The following SEC31B variants were observed in gnomAD, a reference collection of about 807,000 sequenced individuals.
SEC31B encodes the protein SEC31 homolog B, COPII component, also known as protein transport protein Sec31B.
In SEC31B, 113 loss-of-function variants were observed where a neutral mutation model predicts 135.0. That is an observed-to-expected ratio of 0.84 (90% CI 0.72 to 0.98). The LOEUF (loss-of-function observed/expected upper bound fraction) is 0.98. SEC31B is among the 50% of genes least tolerant of loss of function. The probability of loss-of-function intolerance (pLI) is 0.00; values close to 1 mark genes in which losing one functional copy is unlikely to be tolerated. For missense variants in SEC31B, 1,296 were observed against 1,421.1 expected (o/e 0.91, Z 1.42); for synonymous variants, 508 against 549.4 (o/e 0.92, Z 1.05).
chr10:100,500,014 C>T, intron 11 of SEC31B: 1 of 453,710 alleles, frequency 2.2e-6, no homozygotes, highest in South Asian at 1.6e-5. Context: ...TGGACAGATT[C>T]CTTGCAGGGA....
At chr10:100,515,921 G>T (rs910081586) in intron 3 of SEC31B, among the ~76,000 whole-genome samples, 175 bp downstream of exon 3, 21 of 151,920 alleles carry the variant, frequency 1.4e-4, no homozygotes, top group Non-Finnish European at 1.9e-4. Flanking sequence ...GAAAGGGGGG[G>T]GGTGGTTGTT....
At chr10:100,504,402 GT>G (rs1851585403) in intron 10 of SEC31B, among the ~76,000 whole-genome samples, 1 of 152,180 alleles carries the variant, frequency 6.6e-6, no homozygotes, top group African/African-American at 2.4e-5. Context: ...GTCATTCAAA[GT>G]GCTAGTCCTC....
At chr10:100,504,870 G>C (rs1851595172) in intron 10 of SEC31B, among the ~76,000 whole-genome samples, 1 of 152,054 alleles carries the variant, frequency 6.6e-6, no homozygotes, top group Non-Finnish European at 1.5e-5. Flanking sequence ...AAAACAGAAA[G>C]AAGTCATATG....
In SEC31B at chr10:100,506,432, A is replaced by T; in HGVS notation, c.783-12T>A. 6.2e-7 allele frequency: 1 copy of T among 1,613,620 alleles called. No homozygotes were observed. Among genetic ancestry groups the T allele is most frequent in the Non-Finnish European group, 8.5e-7 (1 of 1,179,530 alleles). On this transcript the variant is annotated splice_polypyrimidine_tract_variant and intron_variant, in intron 7 of 25. Coordinates refer to ENST00000370345, the MANE Select transcript of SEC31B (RefSeq NM_015490.4). ...CTGACAAGATCCCCCTAAAAAGAGA[A>T]GGGAAGAGGAACTAGCATTTGTTGA...
At chr10:100,509,972 A>G (rs983707590) in intron 3 of SEC31B, among the ~76,000 whole-genome samples, 1 of 152,150 alleles carries the variant, frequency 6.6e-6, no homozygotes, top group African/African-American at 2.4e-5. Flanking sequence ...TAACAACCTC[A>G]TGAAGTATTA....
chr10:100,507,645 A>G, intron 6 of SEC31B, 78 bp from the exon 7 acceptor site: 3 of 1,578,472 alleles, frequency 1.9e-6, no homozygotes, highest in Non-Finnish European at 2.6e-6. Context: ...TCTGAGAGCA[A>G]GTTTTCTGTC....
chr10:100,497,317 G>A (rs1374173551), intron 16 of SEC31B, 37 bp from the exon 17 acceptor site: 1 of 1,604,266 alleles, frequency 6.2e-7, no homozygotes, highest in South Asian at 1.1e-5. Context: ...TGGCACAGCT[G>A]CCCTGTGTGC....
intron 5 of SEC31B, chr10:100,508,766 C>T (rs1851681414): frequency 5.4e-6 from 3 of 556,876 alleles, no homozygotes; most frequent in African/African-American, 3.8e-5. Context: ...CAACTTTCAT[C>T]TGCCTCCCAG....
At position 100,497,828 on chromosome 10, in the gene SEC31B, CA is replaced by C. The variant is rs1379713567; in HGVS notation, c.1864-36del. The C allele has an allele frequency of 2.5e-6, 4 of 1,614,068 alleles. No homozygotes were observed. In the Admixed American group the frequency reaches 6.7e-5, roughly 27 times the overall value. On this transcript the variant is annotated intron_variant, in intron 15 of 25. Coordinates refer to ENST00000370345, the MANE Select transcript of SEC31B (RefSeq NM_015490.4). ...GCAGAGAGGGAAAGAGACCATCAGC[CA>C]TCCATCCAGCATAGGCAGCAGGATT...
intron 1 of SEC31B, among the ~76,000 whole-genome samples, chr10:100,519,249 A>G (rs1232421555): frequency 6.6e-6 from 1 of 152,224 alleles, no homozygotes; most frequent in African/African-American, 2.4e-5. Context: ...AGAGGCATCT[A>G]TTCACAAAAA....
chr10:100,519,158 AGT>A (rs1444001825), intron 1 of SEC31B, among the ~76,000 whole-genome samples: 2 of 152,252 alleles, frequency 1.3e-5, no homozygotes, highest in Non-Finnish European at 2.9e-5. Flanking sequence ...CCACTGTACT[AGT>A]CGCAAGTAAA....
chr10:100,499,858 T>C (rs1326645480), intron 11 of SEC31B, among the ~76,000 whole-genome samples: 1 of 152,202 alleles, frequency 6.6e-6, no homozygotes, highest in Non-Finnish European at 1.5e-5. Context: ...GTTACCCTGG[T>C]AGTCTGGTGA....
rs41290542 is a variant in SEC31B, at chr10:100,499,234, C to T, written c.1510G>A (p.Val504Met). 0.033 allele frequency: 53,183 copies of T among 1,612,968 alleles called. 1,027 individuals carry two copies. Among genetic ancestry groups the T allele is most frequent in the South Asian group, 0.043 (3,940 of 90,776 alleles). The change falls in exon 13 of 26, where the codon GTG (valine) becomes ATG (methionine). Residue 504 changes from valine to methionine, a missense_variant. Transcript: ENST00000370345. Reference protein sequence around the residue: ...KKVATWLKSDVGLGESPQPKG... With the variant: ...KKVATWLKSDMGLGESPQPKG... The stretch of plus-strand genomic sequence containing the variant: ...GGCTGAGGACTCTCACCTAGCCCCA[C>T]GTCACTCTTCAACCATGTGGCCACC...
At chr10:100,504,265 T>C (rs932130766) in intron 10 of SEC31B, among the ~76,000 whole-genome samples, 3 of 152,234 alleles carry the variant, frequency 2.0e-5, no homozygotes, top group Admixed American at 2.0e-4. Flanking sequence ...TCACAGCCTA[T>C]TGAATGTGTT....
chr10:100,497,988 A>G (rs369569206), intron 15 of SEC31B, 41 bp downstream of exon 15: 2 of 1,610,542 alleles, frequency 1.2e-6, no homozygotes, highest in African/African-American at 2.7e-5. Flanking sequence ...ACAAGGTCCA[A>G]GTAATCCCCT....
In SEC31B at chr10:100,490,206, T is replaced by C; in HGVS notation, c.2767A>G (p.Met923Val). ...GGCAGGGAGGTAGAGCCAGGTCGCA[T>C]GATGCCTGGGCATGCCATGGGTAGA... is the stretch of plus-strand genomic sequence containing the variant. ...SPLPMACPGI[M>V]RPGSTSLPET... Residue 923 changes from methionine to valine, a missense_variant, in exon 21 of 26, where the codon ATG becomes GTG. By Grantham distance (21) the Met-to-Val change is conservative (BLOSUM62 1). Coordinates refer to ENST00000370345, the MANE Select transcript of SEC31B (RefSeq NM_015490.4). 6.2e-7 allele frequency: 1 copy of C among 1,611,518 alleles called. No individual in the cohort carries two copies. The highest frequency in any genetic ancestry group is 8.5e-7 in the Non-Finnish European group (1 of 1,178,814).
chr10:100,489,509 A>G, intron 22 of SEC31B, 111 bp from the exon 23 acceptor site: 1 of 1,424,842 alleles, frequency 7.0e-7, no homozygotes, highest in Non-Finnish European at 9.6e-7. Context: ...TGAGTGTGGG[A>G]AACTGGGAAG....
At chr10:100,518,140 A>G (rs1269456464) in intron 1 of SEC31B, among the ~76,000 whole-genome samples, 1 of 152,242 alleles carries the variant, frequency 6.6e-6, no homozygotes, top group African/African-American at 2.4e-5. Flanking sequence ...AATGATTTCT[A>G]TCACACACAG....
At chr10:100,512,706 C>A (rs1437399600) in intron 3 of SEC31B, among the ~76,000 whole-genome samples, 2 of 152,024 alleles carry the variant, frequency 1.3e-5, no homozygotes. Flanking sequence ...TTGAAAGGTG[C>A]ATGTTTAGTT....
Sources: gnomAD v4.1 joint callset for allele counts (sites outside exome capture counted in the v4.1 genomes callset) on GRCh38, gnomAD v4.1.1 for gene constraint, MANE v1.5 for transcripts, NCBI Gene and HGNC (gene_info 2026-07-23, HGNC 2026-07-21) for gene names.